RAB38: variants seen among roughly 807,000 people sequenced by gnomAD.
The protein encoded by RAB38 is RAB38, member RAS oncogene family, also known as ras-related protein Rab-38.
A neutral mutation model predicts 18.4 loss-of-function variants in RAB38; 15 were observed. The ratio of observed to expected loss-of-function variants is 0.82; its 90% CI spans 0.55 to 1.26. The LOEUF (loss-of-function observed/expected upper bound fraction) is 1.26, where lower values mean the gene tolerates loss of function less well. Ranked by LOEUF, RAB38 falls within the 50% of genes most tolerant of loss-of-function variation. RAB38 has a pLI of 0.00. For missense variants in RAB38, 294 were observed against 267.4 expected, an observed-to-expected ratio of 1.10 and a Z score of -0.69; for synonymous variants, 101 against 104.4, an observed-to-expected ratio of 0.97 and a Z score of 0.20.
the RAB38 span, among the ~76,000 whole-genome samples, chr11:87,947,218 A>G: frequency 2.1e-5 from 3 of 142,334 alleles, no homozygotes; most frequent in East Asian, 2.1e-4. Flanking sequence ...CATATCCTTC[A>G]CCCACTTTTT....
the RAB38 span, among the ~76,000 whole-genome samples, chr11:88,076,276 C>G: frequency 6.6e-6 from 1 of 151,958 alleles, no homozygotes; most frequent in East Asian, 1.9e-4. Flanking sequence ...AAACATACCT[C>G]AAATAATAAA....
chr11:87,938,832 C>T, the RAB38 span, among the ~76,000 whole-genome samples: 2 of 151,894 alleles, frequency 1.3e-5, no homozygotes, highest in Admixed American at 1.3e-4. Flanking sequence ...CCTGAGGTCC[C>T]TAGCCGGTCT....
At chr11:87,948,147 C>G in the RAB38 span, among the ~76,000 whole-genome samples, 5 of 152,104 alleles carry the variant, frequency 3.3e-5, no homozygotes, top group Admixed American at 6.6e-5. Context: ...ATTTTATTCT[C>G]TTTGAAGCAA....
the RAB38 span, among the ~76,000 whole-genome samples, chr11:87,943,740 G>T: frequency 2.0e-5 from 3 of 152,052 alleles, no homozygotes; most frequent in African/African-American, 7.2e-5. Context: ...AGAAATGAAG[G>T]ATGTGGCAGT....
At chr11:88,097,197 A>AC in the RAB38 span, among the ~76,000 whole-genome samples, 1 of 151,736 alleles carries the variant, frequency 6.6e-6, no homozygotes, top group African/African-American at 2.4e-5. Flanking sequence ...ATCCCAAAAT[A>AC]CCCCATGAAG....
the RAB38 span, among the ~76,000 whole-genome samples, chr11:87,964,140 A>G: frequency 2.6e-5 from 4 of 152,116 alleles, no homozygotes; most frequent in African/African-American, 9.7e-5. Flanking sequence ...CCCCAAATGT[A>G]GTAACTTAAA....
chr11:88,024,614 C>T, the RAB38 span, among the ~76,000 whole-genome samples: 1 of 152,008 alleles, frequency 6.6e-6, no homozygotes, highest in African/African-American at 2.4e-5. Context: ...TTCATAATGG[C>T]CAAGATTTGG....
the RAB38 span, among the ~76,000 whole-genome samples, chr11:87,816,709 A>G: frequency 6.6e-6 from 1 of 151,838 alleles, no homozygotes; most frequent in Non-Finnish European, 1.5e-5. Context: ...TAGAGAGAGA[A>G]AGAGAGAGAG....
the RAB38 span, among the ~76,000 whole-genome samples, chr11:87,827,589 A>G: frequency 6.6e-6 from 1 of 152,174 alleles, no homozygotes; most frequent in African/African-American, 2.4e-5. Context: ...TTTAGGAAGA[A>G]TATTAATGAG....
chr11:87,944,770 C>T, the RAB38 span, among the ~76,000 whole-genome samples: 2 of 152,126 alleles, frequency 1.3e-5, no homozygotes, highest in Non-Finnish European at 2.9e-5. Context: ...GGACTTCTCA[C>T]ACTTACGCAG....
At chr11:88,069,819 T>A in the RAB38 span, among the ~76,000 whole-genome samples, 1 of 130,274 alleles carries the variant, frequency 7.7e-6, no homozygotes, top group Admixed American at 7.8e-5. Flanking sequence ...CCATCAGTGC[T>A]CTGTGTCTAG....
At chr11:88,113,007 G>C (rs941508649), downstream of RAB38, among the ~76,000 whole-genome samples, 1 of 151,918 alleles carries the variant, frequency 6.6e-6, no homozygotes, top group Admixed American at 6.6e-5. Context: ...ATATTCCTCT[G>C]ATTAACTAAA....
chr11:88,122,166 T>G (rs1942638926), intron 2 of RAB38, among the ~76,000 whole-genome samples: 1 of 152,182 alleles, frequency 6.6e-6, no homozygotes, highest in Admixed American at 6.5e-5. Context: ...ACACAGCTCT[T>G]GAGTCTTTTT....
chr11:88,109,540 G>A (rs1196225950), downstream of RAB38, among the ~76,000 whole-genome samples: 1 of 152,114 alleles, frequency 6.6e-6, no homozygotes, highest in Non-Finnish European at 1.5e-5. Context: ...TCAAACTAAA[G>A]AGCTTCTGCA....
intron 2 of RAB38, among the ~76,000 whole-genome samples, chr11:88,136,411 C>A (rs7395213): frequency 0.28 from 42,123 of 152,024 alleles, 6,538 homozygotes; most frequent in Non-Finnish European, 0.33. Context: ...GACCACAAAA[C>A]AGAGGTCAGA....
At chr11:87,915,178 C>G in the RAB38 span, among the ~76,000 whole-genome samples, 1 of 152,114 alleles carries the variant, frequency 6.6e-6, no homozygotes, top group African/African-American at 2.4e-5. Context: ...TGACAGCAGG[C>G]ATGTGAGCTG....
the RAB38 span, among the ~76,000 whole-genome samples, chr11:88,074,991 C>A: frequency 1.3e-5 from 2 of 152,052 alleles, no homozygotes; most frequent in Non-Finnish European, 2.9e-5. Context: ...GGAGTCAATT[C>A]AGAAAAAGGA....
the RAB38 span, among the ~76,000 whole-genome samples, chr11:88,040,236 A>G: frequency 3.3e-5 from 5 of 152,202 alleles, no homozygotes; most frequent in African/African-American, 9.7e-5. Context: ...AGATCAGAGT[A>G]TCAACAGGAC....
the RAB38 span, among the ~76,000 whole-genome samples, chr11:87,857,557 T>C: frequency 1.3e-3 from 204 of 152,344 alleles, 1 homozygote; most frequent in Middle Eastern, 3.4e-3. Context: ...GTCACCATTC[T>C]AACTGGTGTG....
Sources: allele counts gnomAD v4.1 joint callset (sites outside exome capture counted in the v4.1 genomes callset), GRCh38; gene constraint gnomAD v4.1.1; transcripts MANE v1.5; gene names NCBI Gene and HGNC (gene_info 2026-07-23, HGNC 2026-07-21).